Variants in BTBD16 observed in about 807,000 individuals in gnomAD.
BTBD16 encodes the protein BTB domain containing 16.
BTBD16 carries 66 observed loss-of-function variants against 67.4 expected under a neutral mutation model. The ratio of observed to expected loss-of-function variants is 0.98; its 90% CI spans 0.80 to 1.20. The LOEUF (loss-of-function observed/expected upper bound fraction) is 1.20, where lower values mean the gene tolerates loss of function less well. BTBD16 is among the 50% of genes most tolerant of loss of function. The pLI is 0.00. For missense variants in BTBD16, 634 were observed against 616.0 expected (o/e 1.03, Z -0.31); for synonymous variants, 242 against 236.4 (o/e 1.02, Z -0.22).
At chr10:122,276,747 A>C in intron 2 of BTBD16, 44 bp from the exon 3 acceptor site, 1 of 1,594,060 alleles carries the variant, frequency 6.3e-7, no homozygotes, top group Non-Finnish European at 8.6e-7. Context: ...ATTTATGTGA[A>C]GTTAGAAAAA....
At chr10:122,334,833 C>T (rs1486696903) in intron 13 of BTBD16, 48 bp from the exon 14 acceptor site, 2 of 1,213,746 alleles carry the variant, frequency 1.6e-6, no homozygotes, top group East Asian at 4.7e-5. Context: ...ACTTTGAATA[C>T]TAAATATTTT....
At chr10:122,293,368 C>T (rs1217229970) in intron 7 of BTBD16, among the ~76,000 whole-genome samples, 1 of 152,206 alleles carries the variant, frequency 6.6e-6, no homozygotes, top group East Asian at 1.9e-4. Context: ...ATTCTGGGGA[C>T]TCATGAAATG....
chr10:122,286,238 G>A lies in BTBD16; in HGVS notation c.375G>A (p.Glu125=). The change falls in exon 5 of 16, where the codon GAG becomes GAA. Residue 125 remains glutamate, a synonymous_variant. Transcript: ENST00000260723. ...CACACCCCCTGAGGGAGCTGGAGGA[G>A]CTTCTGCGAGGTACTTCCTCCCTGG... ...GTTHPLRELE[E]LLRAQSPKKT... The A allele has an allele frequency of 6.2e-7, 1 of 1,607,826 alleles. No individual in the cohort carries two copies. Among genetic ancestry groups the A allele is most frequent in the Non-Finnish European group, 8.5e-7 (1 of 1,175,878 alleles).
chr10:122,323,994 T>C (rs1481527679), intron 10 of BTBD16, among the ~76,000 whole-genome samples: 1 of 152,192 alleles, frequency 6.6e-6, no homozygotes, highest in Non-Finnish European at 1.5e-5. Flanking sequence ...ATTCTGGCAA[T>C]GAGCTTCCAC....
intron 7 of BTBD16, among the ~76,000 whole-genome samples, chr10:122,294,861 C>A (rs1355004800): frequency 6.6e-6 from 1 of 152,256 alleles, no homozygotes; most frequent in East Asian, 1.9e-4. Flanking sequence ...CCTCCTGGGG[C>A]ACTCATTTCT....
chr10:122,296,296 G>A (rs1590063979), intron 7 of BTBD16, among the ~76,000 whole-genome samples: 1 of 152,184 alleles, frequency 6.6e-6, no homozygotes, highest in South Asian at 2.1e-4. Flanking sequence ...TGGCAAAAGC[G>A]GCACACCAAA....
chr10:122,291,361 C>CCTGTTAGTGTGAATT, intron 7 of BTBD16, 167 bp downstream of exon 7: 4 of 820,298 alleles, frequency 4.9e-6, no homozygotes, highest in Non-Finnish European at 7.1e-6. Context: ...CACTAATTCA[C>CCTGTTAGTGTGAATT]ACTAACAGGT....
intron 7 of BTBD16, 55 bp from the exon 8 acceptor site, chr10:122,297,713 G>T: frequency 6.3e-7 from 1 of 1,592,538 alleles, no homozygotes; most frequent in Non-Finnish European, 8.6e-7. Flanking sequence ...GGGACTTTCC[G>T]CTTCTCCAAA....
intron 7 of BTBD16, among the ~76,000 whole-genome samples, chr10:122,296,612 G>A (rs982173842): frequency 5.9e-5 from 9 of 152,208 alleles, no homozygotes; most frequent in African/African-American, 2.2e-4. Flanking sequence ...TATTAGCTGT[G>A]AAAGTTCAGT....
intron 5 of BTBD16, 164 bp downstream of exon 5, chr10:122,286,412 G>A (rs1479975611): frequency 4.6e-6 from 3 of 653,914 alleles, no homozygotes; most frequent in Non-Finnish European, 5.7e-6. Flanking sequence ...TTCCTCAAGT[G>A]TAAAATGGGG....
intron 7 of BTBD16, among the ~76,000 whole-genome samples, chr10:122,294,589 C>T (rs532620740): frequency 1.3e-5 from 2 of 152,376 alleles, no homozygotes; most frequent in African/African-American, 4.8e-5. Context: ...TGGAGCATCT[C>T]CCTGGTTGTC....
chr10:122,318,863 G>A (rs2096430807), intron 10 of BTBD16, among the ~76,000 whole-genome samples: 1 of 152,224 alleles, frequency 6.6e-6, no homozygotes, highest in Non-Finnish European at 1.5e-5. Flanking sequence ...TGGGATTACA[G>A]GCGTTCATTT....
At chr10:122,286,596 G>C (rs2096364275) in intron 5 of BTBD16, among the ~76,000 whole-genome samples, 2 of 152,048 alleles carry the variant, frequency 1.3e-5, no homozygotes, top group Admixed American at 1.3e-4. Flanking sequence ...TCTTTGAAAA[G>C]AAAAAATAGG....
At chr10:122,328,411 G>C (rs1403981669) in intron 10 of BTBD16, among the ~76,000 whole-genome samples, 1 of 152,192 alleles carries the variant, frequency 6.6e-6, no homozygotes, top group Non-Finnish European at 1.5e-5. Context: ...ACTTGTCTTT[G>C]TGCCTACAAC....
intron 9 of BTBD16, among the ~76,000 whole-genome samples, chr10:122,305,177 G>C (rs1292324067): frequency 2.0e-5 from 3 of 152,182 alleles, no homozygotes; most frequent in Non-Finnish European, 1.5e-5. Flanking sequence ...TTCATTTTAG[G>C]TTCAGGGGTA....
At chr10:122,336,342 C>A in intron 14 of BTBD16, 152 bp from the exon 15 acceptor site, 1 of 629,884 alleles carries the variant, frequency 1.6e-6, no homozygotes. Flanking sequence ...GACTCAGCAG[C>A]AGCAACTTTT....
intron 7 of BTBD16, chr10:122,295,292 T>A: frequency 2.0e-6 from 2 of 985,156 alleles, no homozygotes; most frequent in South Asian, 4.7e-5. Flanking sequence ...CCTGGAAGAA[T>A]TACAGCAGTC....
At chr10:122,313,312 T>TA (rs2096417667) in intron 10 of BTBD16, among the ~76,000 whole-genome samples, 2 of 149,232 alleles carry the variant, frequency 1.3e-5, no homozygotes. Flanking sequence ...TCACCCAAGC[T>TA]AGAGTGTAAT....
chr10:122,336,459 G>A (rs2096463320), intron 14 of BTBD16, 35 bp from the exon 15 acceptor site: 1 of 1,551,104 alleles, frequency 6.4e-7, no homozygotes, highest in Non-Finnish European at 8.7e-7. Flanking sequence ...CACCCCGATT[G>A]CAGTTCCACC....
Sources: gnomAD v4.1 joint callset for allele counts (sites outside exome capture counted in the v4.1 genomes callset) on GRCh38, gnomAD v4.1.1 for gene constraint, MANE v1.5 for transcripts, NCBI Gene and HGNC (gene_info 2026-07-23, HGNC 2026-07-21) for gene names.